The following NECAB1 variants were observed in gnomAD, a reference collection of about 807,000 sequenced individuals.
The protein encoded by NECAB1 is N-terminal EF-hand calcium-binding protein 1.
A neutral mutation model predicts 57.5 loss-of-function variants in NECAB1; 29 were observed. The observed-to-expected ratio is 0.50, with a 90% CI of 0.38 to 0.69. NECAB1 has a LOEUF of 0.69. Among genes scored for constraint, NECAB1 ranks in the 30% least tolerant of loss-of-function variants. The pLI is 0.00. For missense variants in NECAB1, 372 were observed against 413.8 expected (o/e 0.90, Z 0.88); for synonymous variants, 142 against 147.7 (o/e 0.96, Z 0.28).
At chr8:90,843,724 T>G (rs953439396) in intron 3 of NECAB1, among the ~76,000 whole-genome samples, 1 of 152,234 alleles carries the variant, frequency 6.6e-6, no homozygotes, top group Non-Finnish European at 1.5e-5. Flanking sequence ...AAATGCAAAA[T>G]CTAGTATCAT....
rs59244524 is a variant in NECAB1, at chr8:90,955,112, T to TTATATATATATATA, written c.1031-351_1031-338dup. 7.4e-3 allele frequency among the ~76,000 whole-genome samples: 522 copies of TTATATATATATATA among 70,746 alleles called. 32 individuals carry two copies. The highest frequency in any genetic ancestry group is 0.017 in the East Asian group (24 of 1,416). 46.4% of individuals were successfully genotyped at this position (70,746 alleles called of 152,430 possible). On this transcript the variant is annotated intron_variant, in intron 12 of 12. Coordinates refer to ENST00000417640, the MANE Select transcript of NECAB1 (RefSeq NM_022351.5). ...ATTTCATAAATATTGGGTATATAAATTATATATATATATATATATATATAT... is the reference window on the plus strand; with the variant it reads ...ATTTCATAAATATTGGGTATATAAATTATATATATATATATATATATATATATATATATATATAT...
intron 5 of NECAB1, among the ~76,000 whole-genome samples, chr8:90,881,619 G>C (rs552714390): frequency 6.6e-6 from 1 of 152,266 alleles, no homozygotes; most frequent in East Asian, 1.9e-4. Context: ...GACATGCCTT[G>C]CTTCTCCTTT....
chr8:90,958,844 AT>A lies in NECAB1; in HGVS notation c.*3334del. The A allele has an allele frequency of 3.9e-6, 2 of 511,024 alleles. No individual in the cohort carries two copies. Among genetic ancestry groups the A allele is most frequent in the Non-Finnish European group, 6.8e-6 (2 of 294,516 alleles). The allele number at this position is 511,024 out of a possible 1,614,324, so 31.7% of individuals were successfully genotyped here. On this transcript the variant is annotated 3_prime_UTR_variant, in exon 13 of 13. Transcript: ENST00000417640. ...CTGCAAAGCTGAAACTGATTAGAAA[AT>A]TCTTTATATTTTAAAATAGCTCTTT...
intron 4 of NECAB1, among the ~76,000 whole-genome samples, chr8:90,878,984 A>G (rs1025736420): frequency 2.0e-4 from 29 of 144,590 alleles, no homozygotes; most frequent in Non-Finnish European, 4.2e-4. Context: ...CTCTCTCTCT[A>G]CATATATTAT....
At chr8:90,808,549 C>G (rs1164847851) in intron 2 of NECAB1, among the ~76,000 whole-genome samples, 1 of 151,574 alleles carries the variant, frequency 6.6e-6, no homozygotes, top group East Asian at 1.9e-4. Context: ...AGATCATACA[C>G]AGAAACTCTT....
At chr8:90,850,512 A>T (rs1193661319) in intron 3 of NECAB1, among the ~76,000 whole-genome samples, 2 of 152,208 alleles carry the variant, frequency 1.3e-5, no homozygotes, top group East Asian at 3.8e-4. Context: ...CTGGAGAGGG[A>T]GGGAAGATGA....
At chr8:90,891,321 A>G (rs1210822930) in intron 5 of NECAB1, among the ~76,000 whole-genome samples, 2 of 152,160 alleles carry the variant, frequency 1.3e-5, no homozygotes, top group African/African-American at 2.4e-5. Context: ...CTTCTCTCAT[A>G]TCTACTTATT....
intron 2 of NECAB1, among the ~76,000 whole-genome samples, chr8:90,821,786 C>G (rs1563496790): frequency 6.6e-6 from 1 of 151,710 alleles, no homozygotes; most frequent in African/African-American, 2.4e-5. Context: ...GCTTGTCTAC[C>G]TATGTTCTTA....
At chr8:90,825,896 G>A (rs1812215411) in intron 3 of NECAB1, among the ~76,000 whole-genome samples, 3 of 151,786 alleles carry the variant, frequency 2.0e-5, no homozygotes, top group African/African-American at 7.3e-5. Context: ...GTAGGTATTG[G>A]TGGTACAACA....
In NECAB1 at chr8:90,917,481, G is replaced by T. The variant is rs1809982227; in HGVS notation, c.358-11G>T. On this transcript the variant is annotated splice_polypyrimidine_tract_variant and intron_variant, in intron 5 of 12. Transcript: ENST00000417640. ...CCATACTTCTAATTGCATTTGTTTT[G>T]TCACCCTTAGGACTACCAAGAAGCC... The T allele has an allele frequency of 3.9e-6, 6 of 1,556,408 alleles. No homozygotes were observed. The highest frequency in any genetic ancestry group is 2.0e-5 in the Admixed American group (1 of 50,236).
In NECAB1 at chr8:90,932,243, A is replaced by G. The variant is rs181608308; in HGVS notation, c.694-2061A>G. Among the ~76,000 whole-genome samples, 273 of 152,300 alleles carry G rather than the reference A, an allele frequency of 1.8e-3. 3 individuals are homozygous for G. The highest frequency in any genetic ancestry group is 6.2e-3 in the African/African-American group (256 of 41,564). On this transcript the variant is annotated intron_variant, in intron 8 of 12. Transcript: ENST00000417640. ...TAGTTTTCAATTCACATCTGTATAC[A>G]TTACATATAATTTTGCCCTCATAGA...
chr8:90,946,979 T>G (rs1810817168), intron 10 of NECAB1, among the ~76,000 whole-genome samples: 2 of 152,198 alleles, frequency 1.3e-5, no homozygotes, highest in South Asian at 4.1e-4. Context: ...ATGGACAGTG[T>G]AGCCACATGA....
intron 3 of NECAB1, among the ~76,000 whole-genome samples, chr8:90,832,769 A>G (rs1245812354): frequency 1.3e-5 from 2 of 152,148 alleles, no homozygotes; most frequent in African/African-American, 4.8e-5. Context: ...AACTTGCCCA[A>G]AGTTACATCA....
rs1811582019 is a variant in NECAB1 at position 90,791,951 on chromosome 8, T to G, written c.65T>G (p.Leu22Arg). ...TCCTCGGAGGAGCTCAGCTCTGCTC[T>G]GCACCTGTCCAAGGGCATGTCGATC... ...NNSSEELSSA[L>R]HLSKGMSIFL... The change falls in exon 1 of 13, where the codon CTG (leucine) becomes CGG (arginine). Residue 22 changes from leucine to arginine, a missense_variant. Leu to Arg is a moderately radical substitution (Grantham distance 102). Coordinates refer to ENST00000417640, the MANE Select transcript of NECAB1 (RefSeq NM_022351.5). 1 of 1,552,864 alleles carries G rather than the reference T, an allele frequency of 6.4e-7. No homozygotes were observed. The highest frequency in any genetic ancestry group is 1.2e-5 in the South Asian group (1 of 84,114).
chr8:90,820,213 C>T (rs773912886), intron 2 of NECAB1, among the ~76,000 whole-genome samples: 2 of 151,748 alleles, frequency 1.3e-5, no homozygotes, highest in African/African-American at 2.4e-5. Flanking sequence ...TCCAATGAAT[C>T]GAAGAAAAGT....
chr8:90,906,899 A>ATATATATGTATGTATG (rs1197777567), intron 5 of NECAB1, among the ~76,000 whole-genome samples: 1 of 140,556 alleles, frequency 7.1e-6, no homozygotes, highest in Non-Finnish European at 1.5e-5. Context: ...ATATATATAT[A>ATATATATGTATGTATG]TATATATATA....
intron 2 of NECAB1, among the ~76,000 whole-genome samples, chr8:90,824,248 C>T (rs992696392): frequency 1.3e-5 from 2 of 151,712 alleles, no homozygotes; most frequent in African/African-American, 4.8e-5. Flanking sequence ...ATTTAAAGGG[C>T]ATAGGAATGG....
At chr8:90,843,574 A>G (rs1467610358) in intron 3 of NECAB1, among the ~76,000 whole-genome samples, 1 of 152,208 alleles carries the variant, frequency 6.6e-6, no homozygotes, top group Non-Finnish European at 1.5e-5. Flanking sequence ...ACAACTGACT[A>G]TTATACGCTC....
At chr8:90,857,973 A>G (rs1463575233) in intron 3 of NECAB1, among the ~76,000 whole-genome samples, 1 of 152,190 alleles carries the variant, frequency 6.6e-6, no homozygotes, top group Non-Finnish European at 1.5e-5. Flanking sequence ...TATTTTAAGC[A>G]TGAAGCATAA....
Sources: gnomAD v4.1 joint callset for allele counts (sites outside exome capture counted in the v4.1 genomes callset) on GRCh38, gnomAD v4.1.1 for gene constraint, MANE v1.5 for transcripts, NCBI Gene and HGNC (gene_info 2026-07-23, HGNC 2026-07-21) for gene names.